FBN3: variants seen among roughly 807,000 people sequenced by gnomAD.
FBN3 encodes fibrillin 3.
In FBN3, 234 loss-of-function variants were observed where a neutral mutation model predicts 330.1. The observed-to-expected ratio is 0.71, with a 90% CI of 0.64 to 0.79. FBN3 has a LOEUF of 0.79. Among genes scored for constraint, FBN3 ranks in the 30% least tolerant of loss-of-function variants. FBN3 has a pLI of 0.00. For missense variants in FBN3, 3,606 were observed against 3,886.9 expected (o/e 0.93, Z 1.92); for synonymous variants, 1,458 against 1,517.3 (o/e 0.96, Z 0.91).
intron 30 of FBN3, among the ~76,000 whole-genome samples, chr19:8,113,608 G>A (rs950570080): frequency 6.6e-6 from 1 of 151,976 alleles, no homozygotes; most frequent in African/African-American, 2.4e-5. Flanking sequence ...CTGAGGCTGG[G>A]AGGATTGCTT....
At position 8,066,097 on chromosome 19, in the gene FBN3, C is replaced by A. The variant is rs764446097; in HGVS notation, c.8252G>T (p.Arg2751Leu). The A allele has an allele frequency of 1.6e-5, 26 of 1,613,396 alleles. No individual in the cohort carries two copies. The highest frequency in any genetic ancestry group is 2.1e-5 in the Non-Finnish European group (25 of 1,180,008). Residue 2751 changes from arginine to leucine, a missense_variant, in exon 64 of 64, where the codon CGC becomes CTC. Coordinates refer to ENST00000600128, the MANE Select transcript of FBN3 (RefSeq NM_032447.5). ...IVRGNEQGFF[R>L]MHHLRGVSSL... ...GCTGACGCCACGGAGGTGATGCATG[C>A]GAAAGAAACCTTGCTCGTTTCCGCG...
At chr19:8,111,284 G>C in intron 32 of FBN3, 101 bp from the exon 33 acceptor site, 1 of 1,419,462 alleles carries the variant, frequency 7.0e-7, no homozygotes. Context: ...CTGTCAGCCA[G>C]AGTCCCAGGC....
Position 8,146,171 on chromosome 19 carries a change from G to A in FBN3, c.305C>T (p.Thr102Ile). Residue 102 changes from threonine (T) to isoleucine (I), a missense_variant, in exon 4 of 64, where the codon ACC becomes ATC. By Grantham distance (89) the Thr-to-Ile change is moderately conservative. Transcript: ENST00000600128. ...GGGAGCCAGCGTCCCATCCGCACAG[G>A]TGCACAGGTTGGGCTGGGAGCAGAA... is the stretch of plus-strand genomic sequence containing the variant. ...EGFCSQPNLC[T>I]CADGTLAPSC... The A allele has an allele frequency of 1.2e-6, 2 of 1,603,896 alleles. No homozygotes were observed. The highest frequency in any genetic ancestry group is 1.7e-6 in the Non-Finnish European group (2 of 1,176,470).
intron 63 of FBN3, 138 bp downstream of exon 63, chr19:8,071,910 T>C: frequency 3.5e-6 from 3 of 861,184 alleles, no homozygotes; most frequent in Non-Finnish European, 5.3e-6. Flanking sequence ...GCCGGCACCA[T>C]GACATGGGGA....
rs1047539531 is a variant in FBN3, at chr19:8,149,378, C to T, written c.-18+71G>A. On this transcript the variant is annotated intron_variant, in intron 1 of 63. Coordinates refer to ENST00000600128, the MANE Select transcript of FBN3 (RefSeq NM_032447.5). This position sits in a 1 kb window ranked among gnomAD's most constrained non-coding sequence, Gnocchi z 5.5. ...CTCTCCCCCTCCCCCTGCCGGCCCC[C>T]CCGCCCCCGCCTTCTCCACCCTTCA... The T allele has an allele frequency of 6.6e-6, 1 of 151,800 alleles. No homozygotes were observed. The highest frequency in any genetic ancestry group is 6.6e-5 in the Admixed American group (1 of 15,232). The allele number at this position is 151,800 out of a possible 1,614,324, so 9.4% of individuals were successfully genotyped here.
Position 8,149,499 on chromosome 19 carries a change from T to TCAGCGCTGCAGGGCGGGCTCCTGCGGC in FBN3, c.-95_-69dup, listed in dbSNP as rs2083626843. 1 of 151,874 alleles carries TCAGCGCTGCAGGGCGGGCTCCTGCGGC rather than the reference T, an allele frequency of 6.6e-6. No homozygotes were observed. The highest frequency in any genetic ancestry group is 6.6e-5 in the Admixed American group (1 of 15,256). The allele number at this position is 151,874 out of a possible 1,614,324, so 9.4% of individuals were successfully genotyped here. A position where few individuals can be genotyped will look rare whatever the true frequency, so the allele number is the denominator to read the frequency against. ...GGCACGGCAGGCGGACGCGCGGGAC[T>TCAGCGCTGCAGGGCGGGCTCCTGCGGC]CAGCGCTGCAGGGCGGGCTCCTGCG... On this transcript the variant is annotated 5_prime_UTR_variant, in exon 1 of 64. Coordinates refer to ENST00000600128, the MANE Select transcript of FBN3 (RefSeq NM_032447.5). The surrounding 1 kb of genome is among the most constrained non-coding windows in gnomAD (Gnocchi z 5.5).
intron 28 of FBN3, 48 bp downstream of exon 28, chr19:8,117,121 C>T (rs747155934): frequency 8.1e-6 from 13 of 1,609,040 alleles, no homozygotes; most frequent in African/African-American, 1.3e-5. Context: ...CCAACACCTC[C>T]TCCTCACCCT....
Position 8,096,142 on chromosome 19 carries a change from T to G in FBN3, c.5540-62A>C. 1 of 1,288,070 alleles carries G rather than the reference T, an allele frequency of 7.8e-7. No homozygotes were observed. The highest frequency in any genetic ancestry group is 1.1e-6 in the Non-Finnish European group (1 of 884,336). 79.8% of individuals were successfully genotyped at this position (1,288,070 alleles called of 1,614,324 possible). ...CCAGGGCATTGGGGAACTTGGGGAG[T>G]GAGAGGCCAGCTGGACCTAGCACTC... On this transcript the variant is annotated intron_variant, in intron 44 of 63. Transcript: ENST00000600128. This position sits in a 1 kb window ranked among gnomAD's most constrained non-coding sequence, Gnocchi z 4.6.
Position 8,138,229 on chromosome 19 carries a change from C to T in FBN3, c.1113G>A (p.Met371Ile), listed in dbSNP as rs35999680. 0.016 allele frequency: 26,311 copies of T among 1,611,862 alleles called. 292 individuals carry two copies. Among genetic ancestry groups the T allele is most frequent in the Middle Eastern group, 0.05 (300 of 6,038 alleles). ...GTCGCGCTGGCCCAAGAGGGGGACC[C>T]ATGCCATTGGATCCGAAGCCCAGGA... ...PGLLGFGSNG[M>I]GPPLGPARLN... is the part of the protein sequence containing the mutation. The change falls in exon 10 of 64, where the codon ATG becomes ATA. Residue 371 changes from methionine (M) to isoleucine (I), a missense_variant. Met to Ile is a conservative substitution (Grantham distance 10). Coordinates refer to ENST00000600128, the MANE Select transcript of FBN3 (RefSeq NM_032447.5).
At chr19:8,137,991 T>C (rs2083326073) in intron 10 of FBN3, 150 bp downstream of exon 10, 2 of 867,828 alleles carry the variant, frequency 2.3e-6, no homozygotes, top group South Asian at 1.9e-5. Flanking sequence ...ACTAGCACTG[T>C]CATCCCTACT....
At position 8,125,904 on chromosome 19, in the gene FBN3, G is replaced by A. The variant is rs144832713; in HGVS notation, c.2719C>T (p.Arg907Trp). The change falls in exon 22 of 64, where the codon CGG becomes TGG. Residue 907 changes from arginine to tryptophan, a missense_variant. By Grantham distance (101) the Arg-to-Trp change is moderately radical. Transcript: ENST00000600128. ...PEGLMLDASG[R>W]LCVDVRLEPC... ...CGCCTGGACTCACCCACGCACAGCC[G>A]GCCTGAGGCGTCCAGCATCAGGCCC... The A allele has an allele frequency of 9.9e-6, 16 of 1,612,550 alleles. No individual in the cohort carries two copies. Among genetic ancestry groups the A allele is most frequent in the Middle Eastern group, 1.7e-4 (1 of 6,048 alleles).
rs187240966 is a variant in FBN3, at chr19:8,140,665, G to A, written c.865+1052C>T. 2.3e-3 allele frequency among the ~76,000 whole-genome samples: 352 copies of A among 152,110 alleles called. 1 individual carries two copies. The highest frequency in any genetic ancestry group is 7.8e-3 in the African/African-American group (322 of 41,494). On this transcript the variant is annotated intron_variant, in intron 8 of 63. Coordinates refer to ENST00000600128, the MANE Select transcript of FBN3 (RefSeq NM_032447.5). ...TGCTATTATCTACCATTTTACAGAT[G>A]GGGAAACTGAGGCACAGAGCGGTTA... is the stretch of plus-strand genomic sequence containing the variant.
In FBN3 at chr19:8,106,161, T is replaced by C. The variant is rs767467208; in HGVS notation, c.4760A>G (p.Gln1587Arg). 2 of 1,614,172 alleles carry C rather than the reference T, an allele frequency of 1.2e-6. No homozygotes were observed. The highest frequency in any genetic ancestry group is 8.5e-7 in the Non-Finnish European group (1 of 1,180,014). ...GDCVNTFGSF[Q>R]CECPPGYHLS... is the part of the protein sequence containing the mutation. ...GTGGTAGCCAGGTGGGCACTCACAC[T>C]GGAAACTGCCAAACGTGTTGACGCA... Residue 1587 changes from glutamine to arginine, a missense_variant, in exon 38 of 64, where the codon CAG (glutamine) becomes CGG (arginine). Gln to Arg is a conservative substitution (Grantham distance 43). Coordinates refer to ENST00000600128, the MANE Select transcript of FBN3 (RefSeq NM_032447.5).
chr19:8,139,200 A>G (rs1382278428), intron 8 of FBN3, among the ~76,000 whole-genome samples: 1 of 151,682 alleles, frequency 6.6e-6, no homozygotes, highest in Non-Finnish European at 1.5e-5. Context: ...TACAAAAATT[A>G]GCCGGGTGCG....
intron 40 of FBN3, 37 bp downstream of exon 40, chr19:8,102,687 G>T (rs148694910): frequency 6.3e-7 from 1 of 1,596,320 alleles, no homozygotes; most frequent in Non-Finnish European, 8.6e-7. Context: ...TGCTAGGAGG[G>T]GCCAGGCTGG....
intron 34 of FBN3, 50 bp downstream of exon 34, chr19:8,110,795 C>G (rs1162010451): frequency 1.9e-6 from 3 of 1,610,804 alleles, no homozygotes; most frequent in Middle Eastern, 1.6e-4. Flanking sequence ...ATGTCCCCTG[C>G]CCCAACTCCT....
chr19:8,136,324 C>T lies in FBN3; in HGVS notation c.1346-15G>A. 1.2e-6 allele frequency: 2 copies of T among 1,602,562 alleles called. No individual in the cohort carries two copies. The highest frequency in any genetic ancestry group is 1.7e-6 in the Non-Finnish European group (2 of 1,173,878). On this transcript the variant is annotated splice_polypyrimidine_tract_variant and intron_variant, in intron 11 of 63. Transcript: ENST00000600128. ...TTCGTCTACATCTGAGGGGAGAGGACCCTGAGCCCTAGCACGAGCAGGGCA... is the reference window on the plus strand; with the variant it reads ...TTCGTCTACATCTGAGGGGAGAGGATCCTGAGCCCTAGCACGAGCAGGGCA...
intron 61 of FBN3, among the ~76,000 whole-genome samples, 197 bp from the exon 62 acceptor site, chr19:8,073,494 CACA>C (rs1447229030): frequency 1.3e-5 from 2 of 152,212 alleles, no homozygotes; most frequent in African/African-American, 4.8e-5. Flanking sequence ...GGTTCTCCTT[CACA>C]ACATCTCTCA....
Position 8,075,082 on chromosome 19 carries a change from G to A in FBN3, c.7691C>T (p.Ala2564Val). The A allele has an allele frequency of 6.2e-7, 1 of 1,602,626 alleles. No individual in the cohort carries two copies. Residue 2564 changes from alanine to valine, a missense_variant, in exon 61 of 64, where the codon GCC (alanine) becomes GTC (valine). Physicochemically the swap from Ala to Val is moderately conservative, Grantham distance 64. Transcript: ENST00000600128. The part of the protein sequence containing the change: ...PQGFTQHSQW[A>V]QCVDENECAL... ...CCCTTTTCACTCACCCACACACTGG[G>A]CCCACTGGGAGTGCTGGGTGAAACC... is the stretch of plus-strand genomic sequence containing the variant.
Sources: allele counts gnomAD v4.1 joint callset (sites outside exome capture counted in the v4.1 genomes callset), GRCh38; gene constraint gnomAD v4.1.1; non-coding constraint Gnocchi (gnomAD v3.1); transcripts MANE v1.5; gene names NCBI Gene and HGNC (gene_info 2026-07-23, HGNC 2026-07-21).